The following CDH18 variants were observed in gnomAD, a reference collection of about 807,000 sequenced individuals.
CDH18 encodes cadherin 18.
Under a neutral mutation model 67.9 loss-of-function variants are expected in CDH18, and 31 were observed. The ratio of observed to expected loss-of-function variants is 0.46; its 90% confidence interval spans 0.34 to 0.62. CDH18 has a LOEUF of 0.62. CDH18 is among the 20% of genes least tolerant of loss of function. CDH18 has a pLI of 0.01. For missense variants in CDH18, 890 were observed against 975.5 expected (o/e 0.91, Z 1.17); for synonymous variants, 362 against 347.2 (o/e 1.04, Z -0.48).
At chr5:20,037,770 A>G (rs985511384) in intron 2 of CDH18, among the ~76,000 whole-genome samples, 2 of 152,082 alleles carry the variant, frequency 1.3e-5, no homozygotes, top group African/African-American at 4.8e-5. Context: ...TAAAATTGAC[A>G]CCCCAGCATC....
intron 2 of CDH18, among the ~76,000 whole-genome samples, chr5:20,199,589 G>A (rs893559125): frequency 2.0e-5 from 3 of 152,058 alleles, no homozygotes; most frequent in Non-Finnish European, 4.4e-5. Context: ...GGTTAATTCT[G>A]GAATGAGTTA....
intron 1 of CDH18, among the ~76,000 whole-genome samples, chr5:20,557,728 T>G (rs1178650933): frequency 6.6e-6 from 1 of 151,966 alleles, no homozygotes; most frequent in Non-Finnish European, 1.5e-5. Flanking sequence ...TAAACAGACA[T>G]CTGGTGCGTG....
chr5:19,710,038 G>A (rs1411705351), intron 5 of CDH18, among the ~76,000 whole-genome samples: 1 of 152,106 alleles, frequency 6.6e-6, no homozygotes, highest in Admixed American at 6.5e-5. Context: ...AGGAGGCTGA[G>A]GCAGGAGAAT....
intron 2 of CDH18, among the ~76,000 whole-genome samples, chr5:20,058,892 A>C: frequency 6.6e-6 from 1 of 152,038 alleles, no homozygotes; most frequent in East Asian, 1.9e-4. Flanking sequence ...GAACTAGTAA[A>C]TTTTCAGGAT....
chr5:20,231,468 G>A (rs575178208), intron 2 of CDH18, among the ~76,000 whole-genome samples: 2 of 152,024 alleles, frequency 1.3e-5, no homozygotes, highest in African/African-American at 4.8e-5. Context: ...GGGTGGGGTG[G>A]CGCTCCTGTA....
chr5:19,864,876 C>T (rs1299052582), intron 2 of CDH18, among the ~76,000 whole-genome samples: 2 of 152,168 alleles, frequency 1.3e-5, no homozygotes, highest in African/African-American at 4.8e-5. Flanking sequence ...CTGATACATG[C>T]ACAAATTTGG....
intron 5 of CDH18, among the ~76,000 whole-genome samples, chr5:19,708,359 G>C (rs1764226441): frequency 6.6e-6 from 1 of 152,054 alleles, no homozygotes; most frequent in South Asian, 2.1e-4. Context: ...TGTGTTGTTT[G>C]TCTTTATATA....
At chr5:19,994,532 A>C (rs1735728852) in intron 2 of CDH18, among the ~76,000 whole-genome samples, 1 of 149,850 alleles carries the variant, frequency 6.7e-6, no homozygotes, top group Non-Finnish European at 1.5e-5. Flanking sequence ...GGCTACTGAA[A>C]TTGAAACTAC....
intron 1 of CDH18, among the ~76,000 whole-genome samples, chr5:20,387,962 G>A (rs1309549375): frequency 2.0e-5 from 3 of 151,992 alleles, no homozygotes; most frequent in Non-Finnish European, 4.4e-5. Flanking sequence ...TGCTGGATTC[G>A]GTTTGCCAGT....
chr5:20,381,017 G>A (rs1011893034), intron 1 of CDH18, among the ~76,000 whole-genome samples: 8 of 152,054 alleles, frequency 5.3e-5, no homozygotes, highest in Non-Finnish European at 1.0e-4. Context: ...GGTTCTTAGG[G>A]TGATCCCTAA....
chr5:20,202,113 A>G (rs1437363886), intron 2 of CDH18, among the ~76,000 whole-genome samples: 2 of 152,186 alleles, frequency 1.3e-5, no homozygotes, highest in African/African-American at 2.4e-5. Flanking sequence ...CTAATTATAT[A>G]TGCTTCTGGT....
intron 1 of CDH18, among the ~76,000 whole-genome samples, chr5:20,268,994 C>G (rs1250306787): frequency 6.6e-6 from 1 of 152,046 alleles, no homozygotes; most frequent in Non-Finnish European, 1.5e-5. Context: ...GGATTAATAT[C>G]CACAATATAG....
At chr5:19,750,195 T>G (rs1770653665) in intron 3 of CDH18, among the ~76,000 whole-genome samples, 1 of 152,102 alleles carries the variant, frequency 6.6e-6, no homozygotes, top group South Asian at 2.1e-4. Flanking sequence ...ATGATTATGA[T>G]GATAACCACT....
At chr5:19,511,889 G>A (rs1358464452) in intron 10 of CDH18, among the ~76,000 whole-genome samples, 1 of 152,158 alleles carries the variant, frequency 6.6e-6, no homozygotes, top group East Asian at 1.9e-4. Flanking sequence ...GTATCGAGGA[G>A]CCAAATGTTA....
chr5:20,147,865 T>A (rs1342620693), intron 2 of CDH18, among the ~76,000 whole-genome samples: 1 of 152,162 alleles, frequency 6.6e-6, no homozygotes, highest in Non-Finnish European at 1.5e-5. Context: ...CTTACCAATG[T>A]GAATTGTTTA....
intron 5 of CDH18, among the ~76,000 whole-genome samples, chr5:19,710,392 T>G (rs966748781): frequency 6.6e-6 from 1 of 152,156 alleles, no homozygotes; most frequent in African/African-American, 2.4e-5. Flanking sequence ...GATACAAAAA[T>G]GAGTAATGCA....
chr5:19,803,570 A>G (rs1010101154), intron 3 of CDH18, among the ~76,000 whole-genome samples: 1 of 152,206 alleles, frequency 6.6e-6, no homozygotes, highest in Non-Finnish European at 1.5e-5. Flanking sequence ...TAAACCCATT[A>G]TGGTAATTCA....
rs150849771 is a variant in CDH18, at chr5:19,534,738, C to A, written c.1390+9131G>T. Among the ~76,000 whole-genome samples the A allele has an allele frequency of 5.9e-3, 902 of 152,108 alleles. 10 individuals carry two copies. The highest frequency in any genetic ancestry group is 0.015 in the African/African-American group (621 of 41,520). On this transcript the variant is annotated intron_variant, in intron 9 of 12. Coordinates refer to ENST00000382275, the MANE Select transcript of CDH18 (RefSeq NM_004934.5). ...TGGTATTCATATCCTTGTATAATGG[C>A]TTTCCATATTTAACAAGGTTTTCCA...
chr5:19,526,291 T>C (rs567510382), intron 9 of CDH18, among the ~76,000 whole-genome samples: 30 of 152,266 alleles, frequency 2.0e-4, no homozygotes, highest in African/African-American at 7.0e-4. Flanking sequence ...AACTATGCTA[T>C]ATAAAAATCA....
Sources: gnomAD v4.1 joint callset for allele counts (sites outside exome capture counted in the v4.1 genomes callset) on GRCh38, gnomAD v4.1.1 for gene constraint, MANE v1.5 for transcripts, NCBI Gene and HGNC (gene_info 2026-07-23, HGNC 2026-07-21) for gene names.